CDK11A: variants seen among roughly 807,000 people sequenced by gnomAD.
CDK11A encodes the protein cyclin-dependent kinase 11A.
CDK11A carries 55 observed loss-of-function variants against 83.6 expected under a neutral mutation model. That is an observed-to-expected ratio of 0.66 (90% CI 0.53 to 0.82). The LOEUF (loss-of-function observed/expected upper bound fraction) is 0.82. Ranked by LOEUF, CDK11A falls within the 40% of genes least tolerant of loss-of-function variation. The pLI, the probability that CDK11A is intolerant of heterozygous loss-of-function variation, is 0.00. For missense variants in CDK11A, 564 were observed against 810.1 expected (o/e 0.70, Z 3.69); for synonymous variants, 247 against 302.7 (o/e 0.82, Z 1.91).
chr1:1,703,993 A>G (rs1644196354), intron 16 of CDK11A, 46 bp downstream of exon 16: 1 of 1,605,910 alleles, frequency 6.2e-7, no homozygotes, highest in Admixed American at 1.7e-5. Context: ...AAGCTGTGGG[A>G]GGCTGCATGG....
intron 3 of CDK11A, among the ~76,000 whole-genome samples, chr1:1,719,694 C>G (rs1226012979): frequency 7.4e-6 from 1 of 135,952 alleles, no homozygotes; most frequent in Non-Finnish European, 1.5e-5. Flanking sequence ...CGGATCACTG[C>G]AACCTCCACC....
intron 2 of CDK11A, chr1:1,722,005 G>C: frequency 3.6e-6 from 1 of 277,448 alleles, no homozygotes; most frequent in Non-Finnish European, 7.0e-6. Context: ...CAAAAAATTA[G>C]CTTGGCATGT....
chr1:1,716,518 C>G, intron 4 of CDK11A, 40 bp from the exon 5 acceptor site: 1 of 1,595,666 alleles, frequency 6.3e-7, no homozygotes. Flanking sequence ...AACCTCACTT[C>G]AAAAATTTCA....
chr1:1,707,346 A>T (rs1644354886), intron 11 of CDK11A, 63 bp downstream of exon 11: 1 of 1,541,158 alleles, frequency 6.5e-7, no homozygotes, highest in Admixed American at 1.8e-5. Flanking sequence ...GGCTTCGCTC[A>T]GCCCCTGTGG....
At chr1:1,714,828 C>G (rs1644578129) in intron 5 of CDK11A, among the ~76,000 whole-genome samples, 1 of 142,714 alleles carries the variant, frequency 7.0e-6, no homozygotes, top group Non-Finnish European at 1.6e-5. Flanking sequence ...CAGGGCTGGT[C>G]ACAAGTGGGT....
rs374886804 is a variant in CDK11A, at chr1:1,703,762, G to A, written c.1911+62C>T. On this transcript the variant is annotated intron_variant, in intron 17 of 19. Transcript: ENST00000404249. ...TCTCAACCCAGCACCTGTGCGCCCC[G>A]CAGCCCCATTCCTGCAACTCCTCTG... 1.9e-4 allele frequency: 310 copies of A among 1,592,808 alleles called. 13 individuals are homozygous for A. In the East Asian group the frequency reaches 2.3e-3, roughly 12 times the overall value.
rs773723219 is a variant in CDK11A at position 1,705,000 on chromosome 1, C to T, written c.1362G>A (p.Leu454=). 3.1e-6 allele frequency: 5 copies of T among 1,598,198 alleles called. No individual in the cohort carries two copies. The Admixed American group carries it at 8.4e-5, about 27-fold the overall frequency. ...KTDEIVALKR[L]KMEKEKEGFP... is the part of the protein sequence containing the mutation. ...AGCCCTCCTTCTCCTTCTCCATCTT[C>T]AGCCGCTTTAGAGCCACAATTTCAT... The change falls in exon 13 of 20, where the codon CTG becomes CTA. Residue 454 remains leucine (L), a synonymous_variant. Coordinates refer to ENST00000404249, the MANE Select transcript of CDK11A (RefSeq NM_024011.4).
At chr1:1,708,113 C>CCTAA in intron 10 of CDK11A, 67 bp downstream of exon 10, 2 of 1,585,870 alleles carry the variant, frequency 1.3e-6, no homozygotes, top group South Asian at 2.3e-5. Context: ...GACCGGCTGT[C>CCTAA]TTAGGAGAGG....
intron 11 of CDK11A, among the ~76,000 whole-genome samples, chr1:1,706,424 C>CTGTA (rs1226001695): frequency 2.0e-5 from 3 of 151,348 alleles, no homozygotes; most frequent in Admixed American, 6.6e-5. Flanking sequence ...TGGCTTGCGC[C>CTGTA]TGTAGTTCCA....
At chr1:1,714,911 C>G (rs1644581502) in intron 5 of CDK11A, among the ~76,000 whole-genome samples, 1 of 149,342 alleles carries the variant, frequency 6.7e-6, no homozygotes, top group South Asian at 2.1e-4. Context: ...CCACACTGTA[C>G]TTCATTCTAG....
chr1:1,703,885 A>G lies in CDK11A; in HGVS notation c.1850T>C (p.Leu617Pro). 6.2e-7 allele frequency: 1 copy of G among 1,609,774 alleles called. No homozygotes were observed. The highest frequency in any genetic ancestry group is 8.5e-7 in the Non-Finnish European group (1 of 1,176,990). Residue 617 changes from leucine (L) to proline (P), a missense_variant, in exon 17 of 20, where the codon CTG becomes CCG. Leu to Pro is a moderately conservative substitution (Grantham distance 98). Coordinates refer to ENST00000404249, the MANE Select transcript of CDK11A (RefSeq NM_024011.4). Reference protein sequence around the residue: ...WSVGCIFGELLTQKPLFPGNS... With the variant: ...WSVGCIFGELPTQKPLFPGNS... Reference sequence around the variant, plus strand: ...CCCGGGGAACAGAGGCTTCTGAGTCAGCAGCTCCCCGAAGATGCAGCCCAC... The same window carrying G: ...CCCGGGGAACAGAGGCTTCTGAGTCGGCAGCTCCCCGAAGATGCAGCCCAC...
chr1:1,723,142 G>A (rs1644967591), intron 1 of CDK11A, among the ~76,000 whole-genome samples: 1 of 33,142 alleles, frequency 3.0e-5, no homozygotes, highest in Non-Finnish European at 7.5e-5. Context: ...GCTGCTAGAG[G>A]CAGGAGGATC....
chr1:1,706,077 C>CT (rs1247462102), intron 11 of CDK11A, among the ~76,000 whole-genome samples: 1 of 150,342 alleles, frequency 6.7e-6, no homozygotes, highest in African/African-American at 2.4e-5. Context: ...ACTCTGTTTT[C>CT]TTTTTTTCTT....
At chr1:1,717,702 C>T (rs1468865394) in intron 4 of CDK11A, among the ~76,000 whole-genome samples, 1 of 130,798 alleles carries the variant, frequency 7.6e-6, no homozygotes, top group Non-Finnish European at 1.6e-5. Context: ...CTGTGACACA[C>T]GCACACTTTC....
chr1:1,704,598 G>A lies in CDK11A; in HGVS notation c.1516C>T (p.His506Tyr), dbSNP rs1483397577. The A allele has an allele frequency of 1.9e-6, 3 of 1,602,010 alleles. No individual in the cohort carries two copies. In the South Asian group the frequency reaches 3.3e-5, roughly 18 times the overall value. The change falls in exon 14 of 20, where the codon CAC becomes TAC. Residue 506 changes from histidine (H) to tyrosine (Y), a missense_variant. Physicochemically the swap from His to Tyr is moderately conservative, Grantham distance 83 (BLOSUM62 2). Coordinates refer to ENST00000404249, the MANE Select transcript of CDK11A (RefSeq NM_024011.4). The stretch of plus-strand genomic sequence containing the variant: ...GTCTCCATCAGGCTCTTGAGGTCGT[G>A]CTCCACGTAGTTCATCACGATGTAG... The part of the protein sequence containing the change: ...KIYIVMNYVE[H>Y]DLKSLMETMK...
chr1:1,707,414 G>A lies in CDK11A; in HGVS notation c.1240C>T (p.Leu414=). ...KQELPKYLPA[L]QGCRSVEEFQ... ...GGGCGAGGGGAGGGCCTGACCTGCA[G>A]GGCCGGCAGGTACTTGGGCAGCTCC... Residue 414 remains leucine (L), a synonymous_variant, in exon 11 of 20, where the codon CTG becomes TTG. Transcript: ENST00000404249. 6.2e-7 allele frequency: 1 copy of A among 1,607,894 alleles called. No homozygotes were observed. Among genetic ancestry groups the A allele is most frequent in the East Asian group, 2.2e-5 (1 of 44,758 alleles).
chr1:1,720,744 T>C (rs1451786616), intron 3 of CDK11A, among the ~76,000 whole-genome samples: 1 of 149,816 alleles, frequency 6.7e-6, no homozygotes, highest in African/African-American at 2.5e-5. Flanking sequence ...CAGGGTAGAA[T>C]ACAGAGGCAC....
chr1:1,706,834 C>T (rs915531657), intron 11 of CDK11A, among the ~76,000 whole-genome samples: 3 of 150,274 alleles, frequency 2.0e-5, no homozygotes, highest in South Asian at 2.1e-4. Flanking sequence ...AGAACCTCTC[C>T]GCCCACAGGC....
At chr1:1,718,927 C>G (rs1384591161) in intron 4 of CDK11A, among the ~76,000 whole-genome samples, 4 of 150,340 alleles carry the variant, frequency 2.7e-5, no homozygotes, top group Non-Finnish European at 5.9e-5. Flanking sequence ...TGAGCCACCA[C>G]GCCCGGCCTT....
Sources: allele counts gnomAD v4.1 joint callset (sites outside exome capture counted in the v4.1 genomes callset), GRCh38; gene constraint gnomAD v4.1.1; transcripts MANE v1.5; gene names NCBI Gene and HGNC (gene_info 2026-07-23, HGNC 2026-07-21).